The following CPNE8 variants were observed in gnomAD, a reference collection of about 807,000 sequenced individuals.
CPNE8 encodes the protein copine 8, also known as copine-8.
In CPNE8, 45 loss-of-function variants were observed where a neutral mutation model predicts 81.5. The observed-to-expected ratio is 0.55, with a 90% CI of 0.44 to 0.71. The LOEUF (loss-of-function observed/expected upper bound fraction) is 0.71. Ranked by LOEUF, CPNE8 falls within the 30% of genes least tolerant of loss-of-function variation. The pLI is 0.00. For synonymous variants in CPNE8, 252 were observed against 226.3 expected (o/e 1.11, Z -1.02); for missense variants, 594 against 672.1 (o/e 0.88, Z 1.28).
chr12:38,764,422 C>T (rs1245004755), intron 8 of CPNE8, among the ~76,000 whole-genome samples: 2 of 151,128 alleles, frequency 1.3e-5, no homozygotes, highest in African/African-American at 2.4e-5. Flanking sequence ...TCGAGACCAT[C>T]CCGGCTAAAA....
At chr12:38,761,752 A>G (rs1941575840) in intron 9 of CPNE8, among the ~76,000 whole-genome samples, 1 of 152,234 alleles carries the variant, frequency 6.6e-6, no homozygotes, top group Admixed American at 6.5e-5. Flanking sequence ...CTCCTGTGCT[A>G]TAACTATGGA....
At chr12:38,858,817 A>C (rs1943786196) in intron 3 of CPNE8, among the ~76,000 whole-genome samples, 1 of 152,234 alleles carries the variant, frequency 6.6e-6, no homozygotes, top group South Asian at 2.1e-4. Flanking sequence ...GAAAAAAAGC[A>C]AATCAATTAG....
chr12:38,800,856 G>C (rs1942643439), intron 6 of CPNE8, among the ~76,000 whole-genome samples: 1 of 41,444 alleles, frequency 2.4e-5, no homozygotes, highest in African/African-American at 8.4e-5. Context: ...ACTACGTGAA[G>C]AATGCAGAAG....
chr12:38,709,082 C>A (rs149814563), intron 13 of CPNE8, among the ~76,000 whole-genome samples: 1 of 152,268 alleles, frequency 6.6e-6, no homozygotes, highest in Non-Finnish European at 1.5e-5. Context: ...CAATAATATT[C>A]CTCACATTCT....
At chr12:38,906,405 C>T, upstream of CPNE8, 2 of 985,462 alleles carry the variant, frequency 2.0e-6, no homozygotes, top group Non-Finnish European at 1.2e-6. Flanking sequence ...TTCTGTCTCC[C>T]CTTGGTTCTT....
intron 16 of CPNE8, among the ~76,000 whole-genome samples, chr12:38,684,890 A>T (rs796476011): frequency 5.9e-5 from 9 of 152,350 alleles, no homozygotes; most frequent in African/African-American, 2.2e-4. Context: ...CGAAAAAATG[A>T]TAAGTATGTA....
chr12:38,826,539 C>A (rs147818578), intron 6 of CPNE8, among the ~76,000 whole-genome samples: 2 of 152,266 alleles, frequency 1.3e-5, no homozygotes, highest in Admixed American at 6.5e-5. Context: ...CAACCCCCAG[C>A]AAATTCTCCC....
intron 6 of CPNE8, among the ~76,000 whole-genome samples, chr12:38,797,524 A>T (rs1327481359): frequency 1.3e-5 from 2 of 152,178 alleles, no homozygotes; most frequent in Non-Finnish European, 2.9e-5. Flanking sequence ...AACAGAGAGG[A>T]CATCCACACC....
chr12:38,788,535 T>G (rs1003466816), intron 6 of CPNE8, among the ~76,000 whole-genome samples: 2 of 151,938 alleles, frequency 1.3e-5, no homozygotes, highest in African/African-American at 4.8e-5. Flanking sequence ...GCCTTTCCTC[T>G]AAGATCTGGA....
At chr12:38,674,955 T>G (rs1394523748) in intron 18 of CPNE8, among the ~76,000 whole-genome samples, 1 of 152,212 alleles carries the variant, frequency 6.6e-6, no homozygotes, top group East Asian at 1.9e-4. Flanking sequence ...ATAAAACACC[T>G]GAACCAGGTG....
chr12:38,792,528 T>C (rs1222276105), intron 6 of CPNE8, among the ~76,000 whole-genome samples: 1 of 151,490 alleles, frequency 6.6e-6, no homozygotes, highest in African/African-American at 2.4e-5. Flanking sequence ...GACTGGATCA[T>C]GAAAAAATAG....
intron 5 of CPNE8, among the ~76,000 whole-genome samples, chr12:38,831,613 A>G (rs1943286472): frequency 6.6e-6 from 1 of 152,236 alleles, no homozygotes; most frequent in Non-Finnish European, 1.5e-5. Context: ...TTGTTTTCAA[A>G]TACATAAAGA....
chr12:38,691,514 A>G (rs1403074161), intron 15 of CPNE8, among the ~76,000 whole-genome samples: 3 of 152,180 alleles, frequency 2.0e-5, no homozygotes, highest in Admixed American at 6.5e-5. Context: ...AAGAAAAACA[A>G]AAGTGCTTTG....
rs754196509 is a variant in CPNE8, at chr12:38,678,178, TAGA to T, written c.1272-627_1272-625del. ...ATTTCACCTCAATAAAATTACACAA[TAGA>T]AGAAATATTTTTGACACATCCACAG... On this transcript the variant is annotated intron_variant, in intron 16 of 19. Coordinates refer to ENST00000331366, the MANE Select transcript of CPNE8 (RefSeq NM_153634.3). Among the ~76,000 whole-genome samples the T allele has an allele frequency of 1.3e-3, 198 of 152,090 alleles. 3 individuals are homozygous for T. Among genetic ancestry groups the T allele is most frequent in the Middle Eastern group, 3.4e-3 (1 of 292 alleles).
At chr12:38,717,673 AG>A (rs1056244558) in intron 13 of CPNE8, among the ~76,000 whole-genome samples, 10 of 151,578 alleles carry the variant, frequency 6.6e-5, no homozygotes, top group African/African-American at 1.9e-4. Flanking sequence ...GAAGTTTGGG[AG>A]GGTGGTGAGG....
chr12:38,836,686 A>G (rs1410745158), intron 5 of CPNE8, among the ~76,000 whole-genome samples: 2 of 152,168 alleles, frequency 1.3e-5, no homozygotes, highest in Non-Finnish European at 2.9e-5. Flanking sequence ...TATTTATTTC[A>G]CTTTGCAAAA....
intron 6 of CPNE8, among the ~76,000 whole-genome samples, chr12:38,793,046 T>C (rs563466478): frequency 1.1e-4 from 16 of 151,718 alleles, no homozygotes; most frequent in African/African-American, 3.4e-4. Flanking sequence ...CCTTTTATGA[T>C]AAAAACTAGA....
chr12:38,855,941 A>T (rs1311673782), intron 3 of CPNE8, among the ~76,000 whole-genome samples: 1 of 152,030 alleles, frequency 6.6e-6, no homozygotes, highest in African/African-American at 2.4e-5. Flanking sequence ...CAAATAAAAC[A>T]ATGGACAAGC....
chr12:38,855,996 T>G (rs1054141303), intron 3 of CPNE8, among the ~76,000 whole-genome samples: 3 of 151,710 alleles, frequency 2.0e-5, no homozygotes, highest in Admixed American at 6.6e-5. Flanking sequence ...ACAAATAAAA[T>G]AATAAATGAA....
Sources: gnomAD v4.1 joint callset for allele counts (sites outside exome capture counted in the v4.1 genomes callset) on GRCh38, gnomAD v4.1.1 for gene constraint, MANE v1.5 for transcripts, NCBI Gene and HGNC (gene_info 2026-07-23, HGNC 2026-07-21) for gene names.